The following EP300 variants were observed in gnomAD, a reference collection of about 807,000 sequenced individuals.
The protein encoded by EP300 is histone acetyltransferase p300.
In EP300, 31 loss-of-function variants were observed where a neutral mutation model predicts 264.0. The observed-to-expected ratio is 0.12, with a 90% CI of 0.09 to 0.16. The LOEUF is 0.16. Ranked by LOEUF, EP300 falls within the 10% of genes least tolerant of loss-of-function variation. EP300 has a pLI of 1.00. For synonymous variants in EP300, 1,340 were observed against 1,045.4 expected, an observed-to-expected ratio of 1.28 and a Z score of -5.44; for missense variants, 2,766 against 3,052.9, an observed-to-expected ratio of 0.91 and a Z score of 2.21.
intron 10 of EP300, 115 bp downstream of exon 10, chr22:41,141,337 C>A: frequency 8.5e-7 from 1 of 1,180,552 alleles, no homozygotes; most frequent in Non-Finnish European, 1.2e-6. Context: ...TTTAAATAAC[C>A]ATTTGCCTTT....
At chr22:41,146,445 G>C (rs2059011157) in intron 10 of EP300, 5 of 388,068 alleles carry the variant, frequency 1.3e-5, no homozygotes, top group South Asian at 1.1e-4. Context: ...AGGATTACAG[G>C]CGTGAGCCAC....
intron 2 of EP300, among the ~76,000 whole-genome samples, chr22:41,122,358 G>GT (rs2058857671): frequency 6.6e-6 from 1 of 151,764 alleles, no homozygotes; most frequent in Non-Finnish European, 1.5e-5. Context: ...TAGAGACAGG[G>GT]TTTTACCATG....
At chr22:41,117,935 TTACTG>T (rs1293773207) in intron 2 of EP300, 114 bp downstream of exon 2, 30 of 1,528,196 alleles carry the variant, frequency 2.0e-5, no homozygotes, top group Middle Eastern at 2.3e-4. Flanking sequence ...CGCCAGGAAT[TTACTG>T]TGCTGTCATA....
intron 5 of EP300, 140 bp downstream of exon 5, chr22:41,130,143 C>G (rs1203449939): frequency 1.5e-6 from 1 of 687,730 alleles, no homozygotes; most frequent in East Asian, 2.8e-5. Context: ...TTTAATTTTT[C>G]TGCTTCCCTA....
intron 1 of EP300, among the ~76,000 whole-genome samples, chr22:41,114,737 G>T (rs977549726): frequency 7.9e-5 from 12 of 152,056 alleles, no homozygotes; most frequent in Non-Finnish European, 1.6e-4. Flanking sequence ...CACAAGGGAT[G>T]GCAAGGGGAG....
At chr22:41,153,929 A>ATTT (rs1032149453) in intron 16 of EP300, among the ~76,000 whole-genome samples, 1 of 151,880 alleles carries the variant, frequency 6.6e-6, no homozygotes, top group African/African-American at 2.4e-5. Context: ...CGATGATGAA[A>ATTT]TTTTTTTTGC....
chr22:41,112,919 A>G (rs1601595608), intron 1 of EP300, among the ~76,000 whole-genome samples: 1 of 152,088 alleles, frequency 6.6e-6, no homozygotes, highest in Admixed American at 6.5e-5. Context: ...ATATTATACT[A>G]CCCTTCCCCC....
chr22:41,175,627 C>T (rs2059196216), intron 29 of EP300, among the ~76,000 whole-genome samples: 1 of 152,044 alleles, frequency 6.6e-6, no homozygotes, highest in African/African-American at 2.4e-5. Context: ...GAGTCCAGGC[C>T]AGTTGTTTTT....
intron 6 of EP300, among the ~76,000 whole-genome samples, chr22:41,135,120 T>G (rs1053838334): frequency 6.6e-6 from 1 of 152,158 alleles, no homozygotes; most frequent in African/African-American, 2.4e-5. Context: ...CAGGCTGGTC[T>G]TGAACTGCTG....
chr22:41,169,460 CCTGA>C (rs769064874), intron 25 of EP300, 39 bp from the exon 26 acceptor site: 7 of 1,282,602 alleles, frequency 5.5e-6, no homozygotes, highest in South Asian at 3.6e-5. Context: ...CATTATGTGA[CCTGA>C]CTTTTTTTTT....
intron 4 of EP300, among the ~76,000 whole-genome samples, chr22:41,129,606 G>T (rs183843308): frequency 2.2e-4 from 34 of 152,328 alleles, no homozygotes; most frequent in South Asian, 1.0e-3. Flanking sequence ...TTAGAATAAA[G>T]TAGGTTGTGT....
intron 2 of EP300, among the ~76,000 whole-genome samples, chr22:41,119,577 G>A (rs542895877): frequency 1.7e-4 from 26 of 152,174 alleles, no homozygotes; most frequent in African/African-American, 5.5e-4. Context: ...ACTTTCTACT[G>A]TGCACATAAG....
chr22:41,120,044 C>T (rs2058843637), intron 2 of EP300, among the ~76,000 whole-genome samples: 1 of 152,150 alleles, frequency 6.6e-6, no homozygotes, highest in Non-Finnish European at 1.5e-5. Flanking sequence ...GAACTCCTGA[C>T]CTCAAGTGAT....
Position 41,149,057 on chromosome 22 carries a change from G to T in EP300, c.2261G>T (p.Arg754Leu), listed in dbSNP as rs544338126. ...TTTCAGCCTATGGGCTATGGGCCTC[G>T]TATGCAACAGCCTTCCAACCAGGGC... ...ALNPPMGYGP[R>L]MQQPSNQGQF... Residue 754 changes from arginine (R) to leucine (L), a missense_variant, in exon 13 of 31, where the codon CGT (arginine) becomes CTT (leucine). Transcript: ENST00000263253. The T allele has an allele frequency of 1.2e-6, 2 of 1,611,610 alleles. No individual in the cohort carries two copies. The highest frequency in any genetic ancestry group is 1.7e-5 in the Admixed American group (1 of 59,750).
rs183918350 is a variant in EP300 at position 41,166,292 on chromosome 22, C to T, written c.3807-307C>T. On this transcript the variant is annotated intron_variant, in intron 22 of 30. Transcript: ENST00000263253. The stretch of plus-strand genomic sequence containing the variant: ...CCAACTAGTAGCATATAGGAAATGT[C>T]ACCTCTTAGGATTTTTCTCCCCTAT... Among the ~76,000 whole-genome samples the T allele has an allele frequency of 8.5e-5, 13 of 152,318 alleles. No individual in the cohort carries two copies. In the East Asian group the frequency reaches 2.5e-3, roughly 29 times the overall value.
chr22:41,115,172 G>A (rs738631), intron 1 of EP300, among the ~76,000 whole-genome samples: 98,544 of 151,390 alleles, frequency 0.65, 32,432 homozygotes, highest in East Asian at 0.83. Flanking sequence ...AATTTTTATA[G>A]TAGGTTAATA....
Position 41,177,380 on chromosome 22 carries a change from C to A in EP300, c.5669C>A (p.Thr1890Asn). Residue 1890 changes from threonine (T) to asparagine (N), a missense_variant, in exon 31 of 31, where the codon ACT (threonine) becomes AAT (asparagine). Physicochemically the swap from Thr to Asn is moderately conservative, Grantham distance 65 (BLOSUM62 0). Coordinates refer to ENST00000263253, the MANE Select transcript of EP300 (RefSeq NM_001429.4). Reference protein sequence around the residue: ...PNSMPPYLPRTQAAGPVSQGK... With the variant: ...PNSMPPYLPRNQAAGPVSQGK... Reference sequence around the variant, plus strand: ...AGCATGCCACCCTACTTGCCCAGGACTCAAGCTGCTGGCCCTGTGTCCCAG... The same window carrying A: ...AGCATGCCACCCTACTTGCCCAGGAATCAAGCTGCTGGCCCTGTGTCCCAG... 1 of 1,614,102 alleles carries A rather than the reference C, an allele frequency of 6.2e-7. No individual in the cohort carries two copies. Among genetic ancestry groups the A allele is most frequent in the Non-Finnish European group, 8.5e-7 (1 of 1,180,002 alleles).
intron 17 of EP300, among the ~76,000 whole-genome samples, chr22:41,155,514 G>T (rs2059072101): frequency 6.6e-6 from 1 of 152,140 alleles, no homozygotes; most frequent in African/African-American, 2.4e-5. Context: ...AATTACAGGT[G>T]TGAGCCACTG....
At chr22:41,172,382 C>T in intron 27 of EP300, 117 bp from the exon 28 acceptor site, 1 of 942,982 alleles carries the variant, frequency 1.1e-6, no homozygotes, top group Non-Finnish European at 1.6e-6. Context: ...TATAAAGTCT[C>T]TGCCAGCTTT....
Sources: allele counts gnomAD v4.1 joint callset (sites outside exome capture counted in the v4.1 genomes callset), GRCh38; gene constraint gnomAD v4.1.1; transcripts MANE v1.5; gene names NCBI Gene and HGNC (gene_info 2026-07-23, HGNC 2026-07-21).